Variants in DPYSL3 observed in about 807,000 individuals in gnomAD.
DPYSL3 encodes the protein dihydropyrimidinase like 3, also known as dihydropyrimidinase-related protein 3.
Under a neutral mutation model 66.1 loss-of-function variants are expected in DPYSL3, and 16 were observed. The observed-to-expected ratio is 0.24, with a 90% CI of 0.16 to 0.37. DPYSL3 has a LOEUF of 0.37. Among genes scored for constraint, DPYSL3 ranks in the 10% least tolerant of loss-of-function variants. DPYSL3 has a pLI of 1.00. For synonymous variants in DPYSL3, 338 were observed against 345.1 expected (o/e 0.98, Z 0.23); for missense variants, 738 against 916.2 (o/e 0.81, Z 2.51).
At position 147,415,830 on chromosome 5, in the gene DPYSL3, G is replaced by T; in HGVS notation, c.699C>A (p.Ala233=). 1.2e-6 allele frequency: 2 copies of T among 1,614,006 alleles called. No individual in the cohort carries two copies. The highest frequency in any genetic ancestry group is 1.7e-5 in the Admixed American group (1 of 60,010). Residue 233 remains alanine, a synonymous_variant, in exon 4 of 14, where the codon GCC becomes GCA. Transcript: ENST00000343218. ...CAGCCCACTCTCTCCATTTCTCATA[G>T]GCCTCAGTCAGGCTGGACTCAGGCT... ...VPEPESSLTE[A]YEKWREWADG... is the part of the protein sequence containing the mutation.
chr5:147,419,184 C>T (rs12657809), intron 2 of DPYSL3, among the ~76,000 whole-genome samples: 5,248 of 152,264 alleles, frequency 0.034, 233 homozygotes, highest in East Asian at 0.16. Context: ...CCTTTCCTGA[C>T]CATTTATCAG....
At chr5:147,483,656 C>T (rs539136813) in intron 1 of DPYSL3, among the ~76,000 whole-genome samples, 70 of 152,216 alleles carry the variant, frequency 4.6e-4, no homozygotes, top group African/African-American at 1.6e-3. Context: ...AAAGGAATCT[C>T]AGGTGAGTGG....
chr5:147,395,775 G>C, intron 12 of DPYSL3, 54 bp from the exon 13 acceptor site: 1 of 1,593,322 alleles, frequency 6.3e-7, no homozygotes, highest in South Asian at 1.1e-5. Context: ...TTTAGGGTCT[G>C]TTCTAGGTAT....
At chr5:147,470,297 G>A (rs1753067513) in intron 1 of DPYSL3, among the ~76,000 whole-genome samples, 1 of 151,900 alleles carries the variant, frequency 6.6e-6, no homozygotes, top group Admixed American at 6.6e-5. Flanking sequence ...TACTTTCTAG[G>A]GCACCTAGAG....
chr5:147,433,488 A>G (rs923829371), intron 1 of DPYSL3, among the ~76,000 whole-genome samples: 3 of 152,132 alleles, frequency 2.0e-5, no homozygotes, highest in African/African-American at 7.2e-5. Flanking sequence ...CAGTTTTTGA[A>G]GCTACCCCCA....
rs180969795 is a variant in DPYSL3, at chr5:147,450,363, T to C, written c.382-25400A>G. Among the ~76,000 whole-genome samples, 9 of 152,316 alleles carry C rather than the reference T, an allele frequency of 5.9e-5. No individual in the cohort carries two copies. The East Asian group carries it at 1.7e-3, about 29-fold the overall frequency. On this transcript the variant is annotated intron_variant, in intron 1 of 13. Transcript: ENST00000343218. ...ACAATTTTAAATCAATTAATCCATT[T>C]AAGTGATAATCATTATGTATCTGTA...
chr5:147,509,193 G>A lies in DPYSL3; in HGVS notation c.381+285C>T, dbSNP rs1753722174. On this transcript the variant is annotated intron_variant, in intron 1 of 13. Coordinates refer to ENST00000343218, the MANE Select transcript of DPYSL3 (RefSeq NM_001197294.2). This position sits in a 1 kb window ranked among gnomAD's most constrained non-coding sequence, Gnocchi z 5.3. ...GCTGACACACCCACCCAGACCGGAT[G>A]GCCCAGGAGTGCGGCGAGGAGGCAG... Among the ~76,000 whole-genome samples, 1 of 152,174 alleles carries A rather than the reference G, an allele frequency of 6.6e-6. No individual in the cohort carries two copies. The highest frequency in any genetic ancestry group is 1.5e-5 in the Non-Finnish European group (1 of 68,028).
At chr5:147,400,904 T>A (rs1284065222) in intron 9 of DPYSL3, 71 bp from the exon 10 acceptor site, 2 of 1,560,632 alleles carry the variant, frequency 1.3e-6, no homozygotes, top group Non-Finnish European at 1.7e-6. Flanking sequence ...TAGAGTCTTG[T>A]GTTTACTGTG....
intron 1 of DPYSL3, among the ~76,000 whole-genome samples, chr5:147,490,517 T>C (rs1159566369): frequency 1.3e-5 from 2 of 152,210 alleles, no homozygotes; most frequent in African/African-American, 4.8e-5. Context: ...TCTGTGAAGA[T>C]GCCACAATGA....
chr5:147,463,279 A>T (rs965688496), intron 1 of DPYSL3, among the ~76,000 whole-genome samples: 1 of 152,156 alleles, frequency 6.6e-6, no homozygotes, highest in African/African-American at 2.4e-5. Flanking sequence ...TGGCCACATG[A>T]CAGCCCCATT....
intron 1 of DPYSL3, among the ~76,000 whole-genome samples, chr5:147,485,182 C>T (rs143590858): frequency 7.4e-4 from 112 of 152,282 alleles, no homozygotes; most frequent in African/African-American, 2.6e-3. Flanking sequence ...ACACGTCACA[C>T]GTTATTTATT....
intron 1 of DPYSL3, among the ~76,000 whole-genome samples, chr5:147,437,657 C>T (rs770022473): frequency 1.3e-5 from 2 of 152,170 alleles, no homozygotes; most frequent in Non-Finnish European, 2.9e-5. Flanking sequence ...TTTGCTCTGC[C>T]TTGTAGTCCA....
At chr5:147,500,766 A>G (rs942696216) in intron 1 of DPYSL3, among the ~76,000 whole-genome samples, 4 of 152,218 alleles carry the variant, frequency 2.6e-5, no homozygotes, top group Non-Finnish European at 5.9e-5. Flanking sequence ...CAACAATGAG[A>G]TACCACTACA....
At chr5:147,443,724 G>T (rs1752577309) in intron 1 of DPYSL3, among the ~76,000 whole-genome samples, 1 of 152,082 alleles carries the variant, frequency 6.6e-6, no homozygotes. Context: ...AGAGAATGGG[G>T]CATGCAGTGT....
intron 1 of DPYSL3, among the ~76,000 whole-genome samples, chr5:147,445,780 C>A (rs1254298518): frequency 6.6e-6 from 1 of 152,152 alleles, no homozygotes; most frequent in African/African-American, 2.4e-5. Context: ...TTATCGCCTT[C>A]ATGCCCTTAT....
chr5:147,430,802 CAG>C (rs1752300569), intron 1 of DPYSL3, among the ~76,000 whole-genome samples: 2 of 152,182 alleles, frequency 1.3e-5, no homozygotes, highest in Admixed American at 1.3e-4. Flanking sequence ...ACATGCCTCT[CAG>C]AGAAACCAAA....
chr5:147,450,058 C>T (rs1038131627), intron 1 of DPYSL3, among the ~76,000 whole-genome samples: 3 of 152,202 alleles, frequency 2.0e-5, no homozygotes, highest in East Asian at 3.9e-4. Context: ...GAGGCAGAGG[C>T]GGAGACACCA....
chr5:147,501,956 T>C (rs1753618579), intron 1 of DPYSL3, among the ~76,000 whole-genome samples: 1 of 152,174 alleles, frequency 6.6e-6, no homozygotes, highest in Non-Finnish European at 1.5e-5. Flanking sequence ...AGCTTATTTG[T>C]TTTTTTAAAA....
At chr5:147,471,189 G>A (rs1753081554) in intron 1 of DPYSL3, among the ~76,000 whole-genome samples, 1 of 152,144 alleles carries the variant, frequency 6.6e-6, no homozygotes, top group Non-Finnish European at 1.5e-5. Context: ...TGGGGAGGAG[G>A]AAAGTTCTGG....
Sources: gnomAD v4.1 joint callset for allele counts (sites outside exome capture counted in the v4.1 genomes callset) on GRCh38, gnomAD v4.1.1 for gene constraint, Gnocchi (gnomAD v3.1) non-coding constraint, MANE v1.5 for transcripts, NCBI Gene and HGNC (gene_info 2026-07-23, HGNC 2026-07-21) for gene names.